Variants in ROBO2 observed in about 807,000 individuals in gnomAD.
The protein encoded by ROBO2 is roundabout homolog 2.
Under a neutral mutation model 160.8 loss-of-function variants are expected in ROBO2, and 53 were observed. The observed-to-expected ratio is 0.33, with a 90% CI of 0.26 to 0.41. The LOEUF (loss-of-function observed/expected upper bound fraction) is 0.41. ROBO2 is among the 10% of genes least tolerant of loss of function. The pLI, the probability that ROBO2 is intolerant of heterozygous loss-of-function variation, is 1.00. For synonymous variants in ROBO2, 664 were observed against 611.7 expected (o/e 1.09, Z -1.26); for missense variants, 1,577 against 1,722.4 (o/e 0.92, Z 1.49).
intron 2 of ROBO2, among the ~76,000 whole-genome samples, chr3:76,867,746 A>G (rs1297744397): frequency 6.6e-6 from 1 of 152,228 alleles, no homozygotes; most frequent in Non-Finnish European, 1.5e-5. Context: ...TCTCCTCGAA[A>G]ACCATTGCAT....
intron 21 of ROBO2, among the ~76,000 whole-genome samples, chr3:77,609,963 A>T (rs2094595702): frequency 6.6e-6 from 1 of 150,522 alleles, no homozygotes; most frequent in East Asian, 1.9e-4. Flanking sequence ...CAATTTCCTT[A>T]TTTTTTTGAG....
chr3:76,562,898 CCCTTCCTT>C (rs892628122), intron 2 of ROBO2, among the ~76,000 whole-genome samples: 1 of 152,016 alleles, frequency 6.6e-6, no homozygotes, highest in East Asian at 1.9e-4. Flanking sequence ...TGTGCTCTCT[CCCTTCCTT>C]CCTTCCTTCC....
chr3:76,333,352 C>T (rs1225122207), intron 2 of ROBO2, among the ~76,000 whole-genome samples: 1 of 152,190 alleles, frequency 6.6e-6, no homozygotes, highest in Non-Finnish European at 1.5e-5. Context: ...CAAGTGTACG[C>T]AGCGTAAAGT....
intron 2 of ROBO2, among the ~76,000 whole-genome samples, chr3:76,910,507 C>T (rs1303555308): frequency 6.6e-6 from 1 of 151,744 alleles, no homozygotes; most frequent in Non-Finnish European, 1.5e-5. Flanking sequence ...GTGGGCGGAT[C>T]ACAAGGTCAA....
intron 2 of ROBO2, among the ~76,000 whole-genome samples, chr3:77,014,134 T>C (rs1299358584): frequency 6.6e-6 from 1 of 152,046 alleles, no homozygotes; most frequent in Non-Finnish European, 1.5e-5. Context: ...GTGTGAAATC[T>C]CATTTTCTTC....
At chr3:77,112,759 A>G (rs1025461653) in intron 2 of ROBO2, among the ~76,000 whole-genome samples, 3 of 152,232 alleles carry the variant, frequency 2.0e-5, no homozygotes, top group Admixed American at 2.0e-4. Context: ...TCGGTGTGCC[A>G]TACGGTGATT....
intron 2 of ROBO2, among the ~76,000 whole-genome samples, chr3:76,953,078 G>C (rs1458312688): frequency 6.6e-6 from 1 of 152,114 alleles, no homozygotes. Flanking sequence ...AAAAGCTAAT[G>C]TTGTCCAGTC....
At chr3:76,643,978 T>C (rs139399509) in intron 2 of ROBO2, among the ~76,000 whole-genome samples, 1 of 152,332 alleles carries the variant, frequency 6.6e-6, no homozygotes, top group African/African-American at 2.4e-5. Context: ...CCTACCACAA[T>C]ATTATTTATC....
chr3:76,284,144 G>T (rs779334505), intron 2 of ROBO2, among the ~76,000 whole-genome samples: 1 of 151,818 alleles, frequency 6.6e-6, no homozygotes, highest in African/African-American at 2.4e-5. Flanking sequence ...AGGTCTCTTT[G>T]GGTATTTTAT....
intron 2 of ROBO2, among the ~76,000 whole-genome samples, chr3:76,318,153 A>G (rs1046951641): frequency 2.6e-5 from 4 of 152,108 alleles, no homozygotes; most frequent in Non-Finnish European, 5.9e-5. Flanking sequence ...TGTATTCTTC[A>G]TATTAGAAAA....
chr3:76,216,651 T>C (rs1703554358), intron 2 of ROBO2, among the ~76,000 whole-genome samples: 1 of 152,068 alleles, frequency 6.6e-6, no homozygotes, highest in African/African-American at 2.4e-5. Context: ...AGCACCCAGA[T>C]TCATAAAGCA....
At chr3:77,380,155 A>G (rs377513328) in intron 2 of ROBO2, among the ~76,000 whole-genome samples, 1 of 152,246 alleles carries the variant, frequency 6.6e-6, no homozygotes, top group Non-Finnish European at 1.5e-5. Flanking sequence ...AGCTGCCATC[A>G]GTGAGCCACC....
intron 2 of ROBO2, among the ~76,000 whole-genome samples, chr3:76,328,587 G>A (rs1048283949): frequency 6.6e-6 from 1 of 151,778 alleles, no homozygotes; most frequent in African/African-American, 2.4e-5. Flanking sequence ...TTATCCAGGC[G>A]CGGTGGCTCA....
intron 2 of ROBO2, among the ~76,000 whole-genome samples, chr3:77,177,902 C>T (rs1171685465): frequency 1.3e-5 from 2 of 151,978 alleles, no homozygotes; most frequent in East Asian, 3.9e-4. Context: ...AAATATTATG[C>T]TTCCCATTCA....
rs1039944850 is a variant in ROBO2, at chr3:76,039,163, T to G, written c.109+101561T>G. Among the ~76,000 whole-genome samples, 15 of 151,950 alleles carry G rather than the reference T, an allele frequency of 9.9e-5. 1 individual carries two copies. Among genetic ancestry groups the G allele is most frequent in the African/African-American group, 3.6e-4 (15 of 41,222 alleles). On this transcript the variant is annotated intron_variant, in intron 2 of 26. Transcript: ENST00000487694. Reference sequence around the variant, plus strand: ...TAGTAAAGACTGGCATTAGGTTGACTAGAGAAGGATGCGGTACAGTTTCCT... The same window carrying G: ...TAGTAAAGACTGGCATTAGGTTGACGAGAGAAGGATGCGGTACAGTTTCCT...
chr3:76,410,655 C>A (rs72898579), intron 2 of ROBO2, among the ~76,000 whole-genome samples: 9,505 of 152,094 alleles, frequency 0.062, 849 homozygotes, highest in African/African-American at 0.2. Flanking sequence ...AGTTTGAACA[C>A]CCGATTATGT....
intron 2 of ROBO2, among the ~76,000 whole-genome samples, chr3:76,427,831 G>GT (rs927442066): frequency 5.9e-5 from 9 of 152,164 alleles, no homozygotes; most frequent in South Asian, 4.1e-4. Flanking sequence ...CCAAGAATCT[G>GT]TTTTTTCAGT....
chr3:77,313,714 AGTTAGGATTACAGGCATG>A (rs2063735681), intron 2 of ROBO2, among the ~76,000 whole-genome samples: 2 of 152,040 alleles, frequency 1.3e-5, no homozygotes, highest in South Asian at 4.1e-4. Context: ...CCTCCCGAGT[AGTTAGGATTACAGGCATG>A]CGCCACCACG....
intron 1 of ROBO2, among the ~76,000 whole-genome samples, chr3:77,086,040 T>C (rs879285219): frequency 2.6e-5 from 4 of 152,114 alleles, no homozygotes; most frequent in Non-Finnish European, 5.9e-5. Context: ...CATGGAGTCA[T>C]TCCAAGATTT....
Sources: allele counts gnomAD v4.1 joint callset (sites outside exome capture counted in the v4.1 genomes callset), GRCh38; gene constraint gnomAD v4.1.1; transcripts MANE v1.5; gene names NCBI Gene and HGNC (gene_info 2026-07-23, HGNC 2026-07-21).